AFF1: variants seen among roughly 807,000 people sequenced by gnomAD.
AFF1 encodes ALF transcription elongation factor 1.
In AFF1, 48 loss-of-function variants were observed where a neutral mutation model predicts 121.7. That is an observed-to-expected ratio of 0.39 (90% CI 0.31 to 0.50). The LOEUF (loss-of-function observed/expected upper bound fraction) is 0.50. AFF1 is among the 20% of genes least tolerant of loss of function. AFF1 has a pLI of 0.76. For synonymous variants in AFF1, 613 were observed against 563.0 expected (o/e 1.09, Z -1.26); for missense variants, 1,523 against 1,511.7 (o/e 1.01, Z -0.12).
chr4:87,102,723 A>G (rs1040538353), intron 8 of AFF1, among the ~76,000 whole-genome samples: 6 of 152,220 alleles, frequency 3.9e-5, no homozygotes, highest in African/African-American at 1.4e-4. Flanking sequence ...AAAAATTTAT[A>G]GGTGAGAAAG....
At chr4:87,129,995 G>A (rs932519402) in intron 16 of AFF1, among the ~76,000 whole-genome samples, 1 of 144,546 alleles carries the variant, frequency 6.9e-6, no homozygotes, top group African/African-American at 2.6e-5. Context: ...TTTTTTTTGA[G>A]CCAGAGTCTT....
intron 2 of AFF1, among the ~76,000 whole-genome samples, chr4:86,995,313 CCCACGGTCTCCCTCTCCCTCTCTTT>C (rs1217542461): frequency 0.031 from 4,378 of 141,782 alleles, 215 homozygotes; most frequent in African/African-American, 0.11. Flanking sequence ...TCCCCCTCTC[CCCACGGTCTCCCTCTCCCTCTCTTT>C]CCACGGTCTC....
chr4:87,049,702 T>A (rs1193966622), intron 4 of AFF1: 1 of 456,232 alleles, frequency 2.2e-6, no homozygotes, highest in Non-Finnish European at 4.4e-6. Flanking sequence ...TCGGCCCGAG[T>A]TCTCATGCCA....
intron 1 of AFF1, among the ~76,000 whole-genome samples, chr4:86,944,500 G>T (rs372550369): frequency 6.7e-6 from 1 of 150,284 alleles, no homozygotes; most frequent in African/African-American, 2.5e-5. Flanking sequence ...GCGCCATCAC[G>T]CTTGGCTAAT....
chr4:86,990,833 A>G (rs1171369431), intron 2 of AFF1, among the ~76,000 whole-genome samples: 1 of 152,312 alleles, frequency 6.6e-6, no homozygotes, highest in African/African-American at 2.4e-5. Context: ...CTCAGCTGTG[A>G]TCTGCTTATT....
At chr4:87,014,424 T>C (rs1727106999) in intron 2 of AFF1, among the ~76,000 whole-genome samples, 1 of 152,232 alleles carries the variant, frequency 6.6e-6, no homozygotes, top group African/African-American at 2.4e-5. Context: ...AGAAAAGCTT[T>C]GCCTAGGGGT....
At chr4:87,105,320 G>A (rs545980193) in intron 8 of AFF1, among the ~76,000 whole-genome samples, 4 of 152,310 alleles carry the variant, frequency 2.6e-5, no homozygotes, top group Non-Finnish European at 4.4e-5. Context: ...GGCTCGCAAC[G>A]AATCCTTGTC....
chr4:87,049,660 C>T, intron 4 of AFF1: 1 of 456,270 alleles, frequency 2.2e-6, no homozygotes. Context: ...TCACAGTCAG[C>T]ATTTCCTTTA....
intron 2 of AFF1, among the ~76,000 whole-genome samples, chr4:86,967,631 G>T (rs2149475402): frequency 6.6e-6 from 1 of 152,168 alleles, no homozygotes; most frequent in African/African-American, 2.4e-5. Flanking sequence ...AATCCAGTGG[G>T]CTCTGGATGA....
intron 4 of AFF1, among the ~76,000 whole-genome samples, chr4:87,071,056 G>T (rs568618383): frequency 2.6e-5 from 4 of 152,184 alleles, no homozygotes; most frequent in African/African-American, 9.6e-5. Context: ...ATGTAGGCTA[G>T]TTATACCTTT....
chr4:87,007,417 C>T (rs774862076), intron 2 of AFF1: 1 of 1,614,066 alleles, frequency 6.2e-7, no homozygotes, highest in South Asian at 1.1e-5. Flanking sequence ...TATGGCAGCC[C>T]AGTCAAGGTA....
rs1366017516 is a variant in AFF1 at position 86,979,122 on chromosome 4, G to A, written c.38+30551G>A. Among the ~76,000 whole-genome samples, 3 of 152,088 alleles carry A rather than the reference G, an allele frequency of 2.0e-5. No individual in the cohort carries two copies. In the East Asian group the frequency reaches 5.8e-4, roughly 29 times the overall value. ...CCTCTCTTTTTATTTTTTTGAGACA[G>A]AATCTTGCTCTGTCGCCCAGGCTGG... On this transcript the variant is annotated intron_variant, in intron 2 of 20. Transcript: ENST00000395146.
In AFF1 at chr4:87,074,353, A is replaced by G. The variant is rs532354680; in HGVS notation, c.1060-9767A>G. Among the ~76,000 whole-genome samples, 46 of 152,044 alleles carry G rather than the reference A, an allele frequency of 3.0e-4. No homozygotes were observed. The South Asian group carries it at 3.3e-3, about 11-fold the overall frequency. On this transcript the variant is annotated intron_variant, in intron 4 of 20. Coordinates refer to ENST00000395146, the MANE Select transcript of AFF1 (RefSeq NM_001166693.3). ...TTTAACCATTCTTACTTAATCATTC[A>G]TGGCTGCTGTGCCCACAATGGGCTT...
intron 2 of AFF1, among the ~76,000 whole-genome samples, chr4:87,000,682 TAATAAGTAATTGGTATA>T (rs1725637073): frequency 6.6e-6 from 1 of 151,412 alleles, no homozygotes; most frequent in African/African-American, 2.4e-5. Flanking sequence ...TGTAGACTGA[TAATAAGTAATTGGTATA>T]ATTGTAGGCT....
At chr4:86,946,512 A>G (rs944974925) in intron 1 of AFF1, among the ~76,000 whole-genome samples, 2 of 114,094 alleles carry the variant, frequency 1.8e-5, no homozygotes, top group Non-Finnish European at 3.4e-5. Flanking sequence ...TCAGCCTCTT[A>G]AGTAGAGTAG....
chr4:87,083,283 A>G (rs982084348), intron 4 of AFF1, among the ~76,000 whole-genome samples: 5 of 152,210 alleles, frequency 3.3e-5, no homozygotes, highest in African/African-American at 1.2e-4. Flanking sequence ...GAAATAGTAG[A>G]TCTTTCCTCT....
At chr4:87,057,855 G>A (rs1560582904) in intron 4 of AFF1, among the ~76,000 whole-genome samples, 2 of 152,096 alleles carry the variant, frequency 1.3e-5, no homozygotes, top group Non-Finnish European at 2.9e-5. Flanking sequence ...TTAAGAATGG[G>A]TTTGCCATGG....
chr4:86,983,662 T>C (rs1723959716), intron 2 of AFF1, among the ~76,000 whole-genome samples: 1 of 151,708 alleles, frequency 6.6e-6, no homozygotes, highest in Non-Finnish European at 1.5e-5. Flanking sequence ...TGATCCGAGA[T>C]GGCGCCTCTG....
chr4:87,125,417 G>A lies in AFF1; in HGVS notation c.2573+274G>A, dbSNP rs1034345762. On this transcript the variant is annotated intron_variant, in intron 13 of 20. Coordinates refer to ENST00000395146, the MANE Select transcript of AFF1 (RefSeq NM_001166693.3). ...GGATTTTTTTTTTCCCTGAGGGAAA[G>A]TAAGAAAGGTACCCTTATTTCTACT... is the stretch of plus-strand genomic sequence containing the variant. 3 of 269,736 alleles carry A rather than the reference G, an allele frequency of 1.1e-5. No individual in the cohort carries two copies. In the Admixed American group the frequency reaches 1.5e-4, roughly 14 times the overall value. The allele number at this position is 269,736 out of a possible 1,614,324, so 16.7% of individuals were successfully genotyped here.
Sources: allele counts gnomAD v4.1 joint callset (sites outside exome capture counted in the v4.1 genomes callset), GRCh38; gene constraint gnomAD v4.1.1; transcripts MANE v1.5; gene names NCBI Gene and HGNC (gene_info 2026-07-23, HGNC 2026-07-21).